Variants in OVOL2 observed in about 807,000 individuals in gnomAD.
The protein encoded by OVOL2 is transcription factor Ovo-like 2.
OVOL2 carries 13 observed loss-of-function variants against 18.1 expected under a neutral mutation model. The ratio of observed to expected loss-of-function variants is 0.72; its 90% CI spans 0.47 to 1.14. The LOEUF is 1.14. Ranked by LOEUF, OVOL2 falls within the 50% of genes most tolerant of loss-of-function variation. The probability of loss-of-function intolerance (pLI) is 0.00; values close to 1 mark genes in which losing one functional copy is unlikely to be tolerated. For synonymous variants in OVOL2, 166 were observed against 162.7 expected, an observed-to-expected ratio of 1.02 and a Z score of -0.16; for missense variants, 335 against 383.0, an observed-to-expected ratio of 0.87 and a Z score of 1.05.
intron 3 of OVOL2, among the ~76,000 whole-genome samples, chr20:18,039,839 G>A (rs1351778857): frequency 3.3e-5 from 5 of 152,118 alleles, no homozygotes; most frequent in Non-Finnish European, 7.4e-5. Flanking sequence ...GTAGCTGGGA[G>A]CCCCATCTGG....
rs1470169499 is a variant in OVOL2 at position 18,056,677 on chromosome 20, C to A, written c.301G>T (p.Val101Phe). 7.0e-7 allele frequency: 1 copy of A among 1,432,612 alleles called. No individual in the cohort carries two copies. The allele number at this position is 1,432,612 out of a possible 1,614,324, so 88.7% of individuals were successfully genotyped here. Residue 101 changes from valine (V) to phenylalanine (F), a missense_variant, in exon 2 of 4, where the codon GTC becomes TTC. Coordinates refer to ENST00000278780, the MANE Select transcript of OVOL2 (RefSeq NM_021220.4). The surrounding 1 kb of genome is among the most constrained non-coding windows in gnomAD (Gnocchi z 4.2). ...AGTACCTTGATTTTCGATCTGGCGA[C>A]CGGGCGCTGCTTGGTCGCCAGGTGT... The part of the protein sequence containing the change: ...DGHLATKQRP[V>F]ARSKIKFTTG...
At chr20:18,035,876 G>A (rs1483989851) in intron 3 of OVOL2, among the ~76,000 whole-genome samples, 1 of 152,166 alleles carries the variant, frequency 6.6e-6, no homozygotes, top group East Asian at 1.9e-4. Flanking sequence ...TGCTTTATAA[G>A]TTAACGTTTT....
At chr20:18,055,272 GA>G (rs1260253802) in intron 2 of OVOL2, among the ~76,000 whole-genome samples, 2 of 152,222 alleles carry the variant, frequency 1.3e-5, no homozygotes, top group Non-Finnish European at 1.5e-5. Flanking sequence ...TTGGGGGACA[GA>G]GGGGCAAACT....
chr20:18,044,965 C>T (rs1206466428), intron 2 of OVOL2, among the ~76,000 whole-genome samples: 2 of 152,060 alleles, frequency 1.3e-5, no homozygotes, highest in Non-Finnish European at 2.9e-5. Flanking sequence ...ACCTTGAGGG[C>T]CCTACTGGAG....
intron 3 of OVOL2, among the ~76,000 whole-genome samples, chr20:18,037,738 G>A (rs897894413): frequency 1.1e-4 from 16 of 152,278 alleles, no homozygotes; most frequent in African/African-American, 3.1e-4. Context: ...AACCTGGGGT[G>A]CATTCTATAT....
chr20:18,041,671 C>T lies in OVOL2; in HGVS notation c.374G>A (p.Gly125Asp). ...DSVVHSCDLC[G>D]KGFRLQRMLN... ...CATGCGCTGCAGACGGAAGCCCTTG[C>T]CACACAGGTCACAGCTGTGAACCAC... Residue 125 changes from glycine to aspartate, a missense_variant, in exon 3 of 4, where the codon GGC (glycine) becomes GAC (aspartate). Physicochemically the swap from Gly to Asp is moderately conservative, Grantham distance 94 (BLOSUM62 -1). Coordinates refer to ENST00000278780, the MANE Select transcript of OVOL2 (RefSeq NM_021220.4). The T allele has an allele frequency of 1.2e-6, 2 of 1,614,066 alleles. No homozygotes were observed. Among genetic ancestry groups the T allele is most frequent in the South Asian group, 1.1e-5 (1 of 91,072 alleles).
intron 3 of OVOL2, among the ~76,000 whole-genome samples, chr20:18,040,891 C>A (rs2036661610): frequency 6.6e-6 from 1 of 152,198 alleles, no homozygotes. Flanking sequence ...CATTGTGGGG[C>A]CACAAGAACC....
chr20:18,049,241 C>A (rs1217356725), intron 2 of OVOL2, among the ~76,000 whole-genome samples: 1 of 152,224 alleles, frequency 6.6e-6, no homozygotes, highest in Non-Finnish European at 1.5e-5. Context: ...CTCCGCACTG[C>A]TGAAAACTGC....
intron 2 of OVOL2, among the ~76,000 whole-genome samples, chr20:18,044,995 C>T (rs1197728282): frequency 6.6e-6 from 1 of 152,098 alleles, no homozygotes; most frequent in African/African-American, 2.4e-5. Context: ...AGTCAAAGGG[C>T]AAGAGGGAGC....
In OVOL2 at chr20:18,024,728, T is replaced by C. The variant is rs1293581762; in HGVS notation, c.736A>G (p.Thr246Ala). The C allele has an allele frequency of 1.2e-6, 2 of 1,614,174 alleles. No individual in the cohort carries two copies. The highest frequency in any genetic ancestry group is 1.7e-5 in the Admixed American group (1 of 60,024). The change falls in exon 4 of 4, where the codon ACA (threonine) becomes GCA (alanine). Residue 246 changes from threonine (T) to alanine (A), a missense_variant. Thr to Ala is a moderately conservative substitution (Grantham distance 58). Transcript: ENST00000278780. ...AHPGSSFLKK[T>A]SKKLAALLQG... ...AGAAGGGCTGCCAGTTTTTTAGATG[T>C]CTTTTTGAGAAACGAGCTGCCCGGA... is the stretch of plus-strand genomic sequence containing the variant.
In OVOL2 at chr20:18,056,791, C is replaced by T. The variant is rs1248988178; in HGVS notation, c.187G>A (p.Gly63Arg). 1.3e-6 allele frequency: 2 copies of T among 1,499,678 alleles called. No individual in the cohort carries two copies. The allele number at this position is 1,499,678 out of a possible 1,614,324, so 92.9% of individuals were successfully genotyped here. A position where few individuals can be genotyped will look rare whatever the true frequency, so the allele number is the denominator to read the frequency against. ...SSSGSGSSSA[G>R]EPGGAESSSS... ...CTGCTCTCTGCTCCTCCAGGCTCCCCCGCGCTGCTGCTGCCGCTGCCGCTG... is the reference window on the plus strand; with the variant it reads ...CTGCTCTCTGCTCCTCCAGGCTCCCTCGCGCTGCTGCTGCCGCTGCCGCTG... Residue 63 changes from glycine (G) to arginine (R), a missense_variant, in exon 2 of 4, where the codon GGG (glycine) becomes AGG (arginine). By Grantham distance (125) the Gly-to-Arg change is moderately radical (BLOSUM62 -2). Transcript: ENST00000278780. This position sits in a 1 kb window ranked among gnomAD's most constrained non-coding sequence, Gnocchi z 4.2.
intron 3 of OVOL2, among the ~76,000 whole-genome samples, chr20:18,028,873 C>T (rs558735818): frequency 6.6e-6 from 1 of 151,592 alleles, no homozygotes; most frequent in East Asian, 1.9e-4. Context: ...AGTAATATAC[C>T]CCCCAGTTTT....
intron 3 of OVOL2, among the ~76,000 whole-genome samples, chr20:18,039,763 A>G (rs2036652680): frequency 6.6e-6 from 1 of 152,140 alleles, no homozygotes; most frequent in South Asian, 2.1e-4. Context: ...TCTAAGAGCA[A>G]ACACGCATGA....
rs192424295 is a variant in OVOL2, at chr20:18,036,209, C to T, written c.511+5325G>A. 6.8e-3 allele frequency among the ~76,000 whole-genome samples: 1,029 copies of T among 152,246 alleles called. 10 individuals carry two copies. The highest frequency in any genetic ancestry group is 0.023 in the African/African-American group (971 of 41,536). ...TCAGGAGGCTGAGGCAGGAGAATCACTTGAACCCGGGAGGCAGAGGTTGCA... is the reference window on the plus strand; with the variant it reads ...TCAGGAGGCTGAGGCAGGAGAATCATTTGAACCCGGGAGGCAGAGGTTGCA... On this transcript the variant is annotated intron_variant, in intron 3 of 3. Coordinates refer to ENST00000278780, the MANE Select transcript of OVOL2 (RefSeq NM_021220.4).
intron 3 of OVOL2, among the ~76,000 whole-genome samples, chr20:18,037,028 C>T (rs1046318172): frequency 2.7e-5 from 4 of 149,908 alleles, no homozygotes; most frequent in African/African-American, 7.4e-5. Context: ...CCCAGCTACT[C>T]GGGAGGCTGA....
upstream of OVOL2, among the ~76,000 whole-genome samples, chr20:18,058,391 C>G (rs2122734920): frequency 6.7e-6 from 1 of 148,772 alleles, no homozygotes; most frequent in East Asian, 2.0e-4. Context: ...TTAAGCTTTC[C>G]ATCAGCTACA....
At position 18,056,956 on chromosome 20, in the gene OVOL2, GTGC is replaced by G; in HGVS notation, c.101-82_101-80del. The G allele has an allele frequency of 7.3e-7, 1 of 1,375,242 alleles. No homozygotes were observed. The highest frequency in any genetic ancestry group is 9.3e-7 in the Non-Finnish European group (1 of 1,071,592). The allele number at this position is 1,375,242 out of a possible 1,614,324, so 85.2% of individuals were successfully genotyped here. ...CCCGCGGCAGTTTGACCTGCGGGCG[GTGC>G]TGCCGCCGCCCCGCCCCGGACCTGG... is the stretch of plus-strand genomic sequence containing the variant. On this transcript the variant is annotated intron_variant, in intron 1 of 3. Transcript: ENST00000278780. This position sits in a 1 kb window ranked among gnomAD's most constrained non-coding sequence, Gnocchi z 4.2.
chr20:18,055,442 G>A (rs559831620), intron 2 of OVOL2, among the ~76,000 whole-genome samples: 1 of 152,288 alleles, frequency 6.6e-6, no homozygotes, highest in Non-Finnish European at 1.5e-5. Flanking sequence ...AAGAGCCTCA[G>A]GCCAGCTGAC....
chr20:18,035,064 G>T (rs1019728849), intron 3 of OVOL2, among the ~76,000 whole-genome samples: 11 of 152,170 alleles, frequency 7.2e-5, no homozygotes, highest in African/African-American at 2.7e-4. Context: ...TCGTATTTAT[G>T]TTAAGTGTCT....
Sources: gnomAD v4.1 joint callset for allele counts (sites outside exome capture counted in the v4.1 genomes callset) on GRCh38, gnomAD v4.1.1 for gene constraint, Gnocchi (gnomAD v3.1) non-coding constraint, MANE v1.5 for transcripts, NCBI Gene and HGNC (gene_info 2026-07-23, HGNC 2026-07-21) for gene names.